ADCY9: variants seen among roughly 807,000 people sequenced by gnomAD.
ADCY9 encodes the protein adenylate cyclase 9.
Under a neutral mutation model 101.5 loss-of-function variants are expected in ADCY9, and 50 were observed. That is an observed-to-expected ratio of 0.49 (90% CI 0.39 to 0.62). The LOEUF is 0.62. Ranked by LOEUF, ADCY9 falls within the 20% of genes least tolerant of loss-of-function variation. ADCY9 has a pLI of 0.00. For synonymous variants in ADCY9, 905 were observed against 769.3 expected, an observed-to-expected ratio of 1.18 and a Z score of -2.92; for missense variants, 1,662 against 1,800.4, an observed-to-expected ratio of 0.92 and a Z score of 1.39.
Position 4,115,807 on chromosome 16 carries a change from TCG to T in ADCY9, c.-163_-162del, listed in dbSNP as rs999863248. On this transcript the variant is annotated 5_prime_UTR_variant, in exon 1 of 11. Coordinates refer to ENST00000294016, the MANE Select transcript of ADCY9 (RefSeq NM_001116.4). This position sits in a 1 kb window ranked among gnomAD's most constrained non-coding sequence, Gnocchi z 6.2. ...CTCCGCGCCGCGCGGCTTCTCCTCCTCGCGCGCTCGCCTCCTCCAGCTGCGGC... is the reference window on the plus strand; with the variant it reads ...CTCCGCGCCGCGCGGCTTCTCCTCCTCGCGCTCGCCTCCTCCAGCTGCGGC... 12 of 399,612 alleles carry T rather than the reference TCG, an allele frequency of 3.0e-5. No homozygotes were observed. Among genetic ancestry groups the T allele is most frequent in the African/African-American group, 2.3e-4 (11 of 48,438 alleles). 24.8% of individuals were successfully genotyped at this position (399,612 alleles called of 1,614,324 possible). A position where few individuals can be genotyped will look rare whatever the true frequency, so the allele number is the denominator to read the frequency against.
At position 4,114,661 on chromosome 16, in the gene ADCY9, T is replaced by C. The variant is rs368901949; in HGVS notation, c.782A>G (p.Tyr261Cys). 1.7e-5 allele frequency: 28 copies of C among 1,613,294 alleles called. No individual in the cohort carries two copies. In the East Asian group the frequency reaches 6.0e-4, roughly 35 times the overall value. The stretch of plus-strand genomic sequence containing the variant: ...GAAGCAGGCTTCATCCCGGAAATGG[T>C]AGCCAAAGGTCTCGAAAAGGACAGA... ...AYSVLFETFG[Y>C]HFRDEACFPS... Residue 261 changes from tyrosine to cysteine, a missense_variant, in exon 2 of 11, where the codon TAC becomes TGC. Coordinates refer to ENST00000294016, the MANE Select transcript of ADCY9 (RefSeq NM_001116.4). This position sits in a 1 kb window ranked among gnomAD's most constrained non-coding sequence, Gnocchi z 4.3.
At position 4,115,164 on chromosome 16, in the gene ADCY9, G is replaced by C. The variant is rs1024840492; in HGVS notation, c.279C>G (p.Pro93=). 1.2e-6 allele frequency: 2 copies of C among 1,613,874 alleles called. No individual in the cohort carries two copies. Among genetic ancestry groups the C allele is most frequent in the African/African-American group, 2.7e-5 (2 of 75,070 alleles). ...CCTCCAGGTTCACCGAGTCGAACTT[G>C]GGGTCCCACCAGCGGCTGGAGGCCC... ...FERASSRWWD[P]KFDSVNLEEA... is the part of the protein sequence containing the mutation. Residue 93 remains proline (P), a synonymous_variant, in exon 2 of 11, where the codon CCC becomes CCG. Transcript: ENST00000294016. The surrounding 1 kb of genome is among the most constrained non-coding windows in gnomAD (Gnocchi z 6.2).
intron 3 of ADCY9, among the ~76,000 whole-genome samples, chr16:4,000,462 C>T (rs12924035): frequency 0.054 from 8,158 of 152,136 alleles, 385 homozygotes; most frequent in African/African-American, 0.13. Flanking sequence ...AGGTTAGGTA[C>T]GGGCATAAGT....
intron 2 of ADCY9, among the ~76,000 whole-genome samples, chr16:4,084,529 C>T (rs2056925454): frequency 6.6e-6 from 1 of 152,000 alleles, no homozygotes; most frequent in Admixed American, 6.6e-5. Context: ...AGATTGAAAC[C>T]AGACTGGACA....
intron 2 of ADCY9, among the ~76,000 whole-genome samples, chr16:4,041,759 T>G (rs1393566304): frequency 4.6e-5 from 7 of 150,820 alleles, no homozygotes; most frequent in African/African-American, 9.7e-5. Flanking sequence ...TTTTTTGTTT[T>G]TTTTTTTTTT....
At chr16:4,069,216 C>T (rs1468833497) in intron 2 of ADCY9, among the ~76,000 whole-genome samples, 4 of 151,906 alleles carry the variant, frequency 2.6e-5, no homozygotes, top group South Asian at 4.2e-4. Flanking sequence ...TTCATCTTTA[C>T]GAATCAAAGA....
intron 5 of ADCY9, among the ~76,000 whole-genome samples, chr16:3,956,758 G>C (rs532449145): frequency 1.3e-5 from 2 of 151,522 alleles, no homozygotes; most frequent in East Asian, 3.9e-4. Context: ...GCCTCCCAAA[G>C]TGCTGAGACT....
chr16:4,103,411 G>A (rs1262402090), intron 2 of ADCY9, among the ~76,000 whole-genome samples: 1 of 152,248 alleles, frequency 6.6e-6, no homozygotes, highest in Non-Finnish European at 1.5e-5. Flanking sequence ...TGCAGAAGAA[G>A]CCATGGGTGA....
intron 2 of ADCY9, among the ~76,000 whole-genome samples, chr16:4,044,408 A>T (rs1276290121): frequency 6.6e-6 from 1 of 152,214 alleles, no homozygotes; most frequent in East Asian, 1.9e-4. Context: ...TTATGAAGTA[A>T]ATAATAAAAT....
At chr16:3,979,414 G>C (rs929622828) in intron 7 of ADCY9, 139 bp from the exon 8 acceptor site, 3 of 989,976 alleles carry the variant, frequency 3.0e-6, no homozygotes, top group Non-Finnish European at 4.4e-6. Flanking sequence ...GAGCAGGCGT[G>C]GGGTGGGAGT....
At chr16:4,045,731 C>T (rs76387894) in intron 2 of ADCY9, among the ~76,000 whole-genome samples, 13,067 of 151,656 alleles carry the variant, frequency 0.086, 711 homozygotes, top group East Asian at 0.2. Flanking sequence ...TAGGGTCTCA[C>T]TCTGTTGCCC....
intron 2 of ADCY9, among the ~76,000 whole-genome samples, chr16:4,031,255 T>TA (rs1410275829): frequency 6.6e-6 from 1 of 152,232 alleles, no homozygotes; most frequent in Non-Finnish European, 1.5e-5. Context: ...TCATAGGAGA[T>TA]ACATGCTGAA....
Position 3,983,294 on chromosome 16 carries a change from G to A in ADCY9, c.2457C>T (p.Ala819=), listed in dbSNP as rs373720526. The change falls in exon 7 of 11, where the codon GCC becomes GCT. Residue 819 remains alanine (A), a synonymous_variant. Transcript: ENST00000294016. ...GGGCTGCACTGAAGACCGCCAGGGC[G>A]GCGGGCGGGGGAGGCACGGTGGCCG... ...YEAATVPPPP[A]ALAVFSAALL... is the part of the protein sequence containing the mutation. 3.8e-5 allele frequency: 59 copies of A among 1,560,518 alleles called. No homozygotes were observed. The Admixed American group carries it at 4.6e-4, about 12-fold the overall frequency.
At chr16:4,026,952 G>C (rs1326571287) in intron 2 of ADCY9, among the ~76,000 whole-genome samples, 1 of 152,174 alleles carries the variant, frequency 6.6e-6, no homozygotes, top group African/African-American at 2.4e-5. Flanking sequence ...CCTCGTGGCA[G>C]ATGAAAAATG....
At chr16:3,980,965 C>T (rs1180297577) in intron 7 of ADCY9, among the ~76,000 whole-genome samples, 1 of 152,152 alleles carries the variant, frequency 6.6e-6, no homozygotes, top group East Asian at 1.9e-4. Context: ...GGGGCCTGGG[C>T]CAGTCACTGA....
At position 3,978,996 on chromosome 16, in the gene ADCY9, T is replaced by C. The variant is rs2056116651; in HGVS notation, c.2679+120A>G. On this transcript the variant is annotated intron_variant, in intron 8 of 10. Transcript: ENST00000294016. ...TCCCACAGTGCTGGGATTACAGGCG[T>C]GAGCCACCATGCCTGGCCAAAGGGT... 3.0e-6 allele frequency: 4 copies of C among 1,323,414 alleles called. No individual in the cohort carries two copies. In the East Asian group the frequency reaches 9.6e-5, roughly 32 times the overall value. 82.0% of individuals were successfully genotyped at this position (1,323,414 alleles called of 1,614,324 possible).
At chr16:4,103,690 C>A (rs1441868975) in intron 2 of ADCY9, among the ~76,000 whole-genome samples, 1 of 152,122 alleles carries the variant, frequency 6.6e-6, no homozygotes, top group African/African-American at 2.4e-5. Flanking sequence ...ATTAGCCGGG[C>A]GTGGTGGCAC....
chr16:4,097,483 T>TACAC (rs1195233632), intron 2 of ADCY9, among the ~76,000 whole-genome samples: 25 of 61,162 alleles, frequency 4.1e-4, no homozygotes, highest in East Asian at 2.1e-3. Context: ...TATATATATA[T>TACAC]ATATACACAC....
At chr16:4,074,433 G>C (rs1027792407) in intron 2 of ADCY9, among the ~76,000 whole-genome samples, 2 of 151,756 alleles carry the variant, frequency 1.3e-5, no homozygotes, top group African/African-American at 4.8e-5. Context: ...AGTGGCTCAT[G>C]CCTGTAATCC....
Sources: gnomAD v4.1 joint callset for allele counts (sites outside exome capture counted in the v4.1 genomes callset) on GRCh38, gnomAD v4.1.1 for gene constraint, Gnocchi (gnomAD v3.1) non-coding constraint, MANE v1.5 for transcripts, NCBI Gene and HGNC (gene_info 2026-07-23, HGNC 2026-07-21) for gene names.